The following SPTBN2 variants were observed in gnomAD, a reference collection of about 807,000 sequenced individuals.
The protein encoded by SPTBN2 is spectrin beta chain, non-erythrocytic 2.
Under a neutral mutation model 284.2 loss-of-function variants are expected in SPTBN2, and 107 were observed. The observed-to-expected ratio is 0.38, with a 90% CI of 0.32 to 0.44. SPTBN2 has a LOEUF of 0.44. Among genes scored for constraint, SPTBN2 ranks in the 20% least tolerant of loss-of-function variants. The pLI, the probability that SPTBN2 is intolerant of heterozygous loss-of-function variation, is 1.00. For synonymous variants in SPTBN2, 1,289 were observed against 1,354.8 expected (o/e 0.95, Z 1.07); for missense variants, 2,569 against 3,287.1 (o/e 0.78, Z 5.34).
At position 66,718,370 on chromosome 11, in the gene SPTBN2, C is replaced by T. The variant is rs1489978666; in HGVS notation, c.158-2389G>A. On this transcript the variant is annotated intron_variant, in intron 3 of 37. Coordinates refer to ENST00000533211, the MANE Select transcript of SPTBN2 (RefSeq NM_006946.4). This position sits in a 1 kb window ranked among gnomAD's most constrained non-coding sequence, Gnocchi z 4.8. Reference sequence around the variant, plus strand: ...GTGTCCTGTGCCAGGTCCTCAGCTCCGGCCACTCTCCCCACACCCAGGTCC... The same window carrying T: ...GTGTCCTGTGCCAGGTCCTCAGCTCTGGCCACTCTCCCCACACCCAGGTCC... Among the ~76,000 whole-genome samples the T allele has an allele frequency of 6.6e-6, 1 of 152,212 alleles. No homozygotes were observed. The highest frequency in any genetic ancestry group is 1.5e-5 in the Non-Finnish European group (1 of 68,034).
In SPTBN2 at chr11:66,682,546, T is replaced by C. The variant is rs1449622869; in HGVS notation, c.*3325A>G. Reference sequence around the variant, plus strand: ...CTTTTGAAACCCAATATATCTAAAATATTATTTCAACACATAATCAATATA... The same window carrying C: ...CTTTTGAAACCCAATATATCTAAAACATTATTTCAACACATAATCAATATA... On this transcript the variant is annotated 3_prime_UTR_variant, in exon 38 of 38. Transcript: ENST00000533211. Among the ~76,000 whole-genome samples, 1 of 152,242 alleles carries C rather than the reference T, an allele frequency of 6.6e-6. No individual in the cohort carries two copies. The highest frequency in any genetic ancestry group is 1.5e-5 in the Non-Finnish European group (1 of 68,040).
Position 66,701,579 on chromosome 11 carries a change from C to T in SPTBN2, c.2816+5G>A, listed in dbSNP as rs369265033. 1.1e-4 allele frequency: 170 copies of T among 1,614,044 alleles called. No individual in the cohort carries two copies. The highest frequency in any genetic ancestry group is 1.4e-4 in the Non-Finnish European group (165 of 1,180,028). ...AGTTTCCTGGTCCTGCCCTCCCAAA[C>T]CCACCTGTGGTTGAGCTGCTCCTGG... On this transcript the variant is annotated splice_donor_5th_base_variant and intron_variant, in intron 16 of 37. Transcript: ENST00000533211.
At position 66,693,196 on chromosome 11, in the gene SPTBN2, T is replaced by C. The variant is rs1414395222; in HGVS notation, c.4844A>G (p.Glu1615Gly). 1 of 1,614,226 alleles carries C rather than the reference T, an allele frequency of 6.2e-7. No individual in the cohort carries two copies. The highest frequency in any genetic ancestry group is 8.5e-7 in the Non-Finnish European group (1 of 1,180,036). ...GEQELHMMGQ[E>G]KAKDELSAQA... The stretch of plus-strand genomic sequence containing the variant: ...TGTCCTGGCCCTCACCTTGGCCTTC[T>C]CCTGGCCCATCATGTGTAATTCCTG... Residue 1615 changes from glutamate (E) to glycine (G), a missense_variant, in exon 24 of 38, where the codon GAG becomes GGG. Glu to Gly is a moderately conservative substitution (Grantham distance 98). This residue lies in a region of SPTBN2 where 1,130 missense variants were observed against 1,317.3 expected (regional missense o/e 0.86). Transcript: ENST00000533211. This position sits in a 1 kb window ranked among gnomAD's most constrained non-coding sequence, Gnocchi z 5.7.
intron 1 of SPTBN2, among the ~76,000 whole-genome samples, chr11:66,736,856 G>A (rs1265460570): frequency 2.6e-5 from 4 of 152,300 alleles, no homozygotes; most frequent in South Asian, 2.1e-4. Flanking sequence ...GTGCTGTGGC[G>A]CACAGCTAGT....
chr11:66,706,484 C>T (rs1941565674), intron 13 of SPTBN2, among the ~76,000 whole-genome samples: 1 of 152,216 alleles, frequency 6.6e-6, no homozygotes, highest in African/African-American at 2.4e-5. Context: ...GCGTGTGCCA[C>T]CACACTCAGC....
Position 66,707,385 on chromosome 11 carries a change from C to T in SPTBN2, c.1653+131G>A, listed in dbSNP as rs1266486801. On this transcript the variant is annotated intron_variant, in intron 13 of 37. Transcript: ENST00000533211. This position sits in a 1 kb window ranked among gnomAD's most constrained non-coding sequence, Gnocchi z 4.9. ...AGGGCCCTGTTTACTTTGTTCCCTG[C>T]AACTGGGGACAGGGCCCTGTGCTGG... is the stretch of plus-strand genomic sequence containing the variant. 1 of 967,366 alleles carries T rather than the reference C, an allele frequency of 1.0e-6. No individual in the cohort carries two copies. Among genetic ancestry groups the T allele is most frequent in the Admixed American group, 2.4e-5 (1 of 40,976 alleles). The allele number at this position is 967,366 out of a possible 1,614,324, so 59.9% of individuals were successfully genotyped here.
chr11:66,691,315 T>C lies in SPTBN2; in HGVS notation c.5534A>G (p.Tyr1845Cys), dbSNP rs765730537. The C allele has an allele frequency of 6.5e-7, 1 of 1,545,538 alleles. No homozygotes were observed. Among genetic ancestry groups the C allele is most frequent in the Non-Finnish European group, 8.8e-7 (1 of 1,142,034 alleles). Residue 1845 changes from tyrosine to cysteine, a missense_variant, in exon 27 of 38, where the codon TAC becomes TGC. Tyr to Cys is a radical substitution (Grantham distance 194). Transcript: ENST00000533211. This position sits in a 1 kb window ranked among gnomAD's most constrained non-coding sequence, Gnocchi z 8.0. ...GCTGAGGGCCTGAATGTCATGCTCGTAGGCACAGTGTCGGCGCTGCAGGGC... is the reference window on the plus strand; with the variant it reads ...GCTGAGGGCCTGAATGTCATGCTCGCAGGCACAGTGTCGGCGCTGCAGGGC... ...AEALQRRHCA[Y>C]EHDIQALSPQ... is the part of the protein sequence containing the mutation.
intron 3 of SPTBN2, among the ~76,000 whole-genome samples, chr11:66,716,905 A>G (rs1455830312): frequency 6.6e-6 from 1 of 152,184 alleles, no homozygotes; most frequent in East Asian, 1.9e-4. Flanking sequence ...CCAAGCGGTC[A>G]TTAGGACTTG....
chr11:66,686,489 C>G lies in SPTBN2; in HGVS notation c.6897-49G>C, dbSNP rs372544177. 6.2e-4 allele frequency: 995 copies of G among 1,606,974 alleles called. 11 individuals are homozygous for G. In the South Asian group the frequency reaches 8.9e-3, roughly 14 times the overall value. On this transcript the variant is annotated intron_variant, in intron 36 of 37. Transcript: ENST00000533211. ...GGCAGAGCTGAGAATCCGGATCTGC[C>G]AGGTAGCTGCTGGTGAGAGCGTAAT...
intron 19 of SPTBN2, 40 bp from the exon 20 acceptor site, chr11:66,698,825 G>A (rs755761702): frequency 5.0e-6 from 8 of 1,611,324 alleles, no homozygotes; most frequent in Non-Finnish European, 5.9e-6. Context: ...CAAGGGAGGG[G>A]AGAGGGGGGC....
chr11:66,729,493 G>C (rs1209909565), upstream of SPTBN2, among the ~76,000 whole-genome samples: 1 of 152,114 alleles, frequency 6.6e-6, no homozygotes, highest in Non-Finnish European at 1.5e-5. Context: ...TGAATTATTG[G>C]ATTTAAGGTT....
rs1940546009 is a variant in SPTBN2, at chr11:66,691,486, T to G, written c.5363A>C (p.Glu1788Ala). The G allele has an allele frequency of 6.2e-7, 1 of 1,611,888 alleles. No homozygotes were observed. The highest frequency in any genetic ancestry group is 8.5e-7 in the Non-Finnish European group (1 of 1,179,994). The change falls in exon 27 of 38, where the codon GAG becomes GCG. Residue 1788 changes from glutamate (E) to alanine (A), a missense_variant. Glu to Ala is a moderately radical substitution (Grantham distance 107). Transcript: ENST00000533211. This position sits in a 1 kb window ranked among gnomAD's most constrained non-coding sequence, Gnocchi z 8.0. The stretch of plus-strand genomic sequence containing the variant: ...CACCTGACCCCGTGTGTCCAGCAGC[T>G]CAAGCAGGTCAGCCCAGGCCTCGTT... ...SLNEAWADLL[E>A]LLDTRGQVLA...
Position 66,700,429 on chromosome 11 carries a change from T to A in SPTBN2, c.3573+97A>T. The A allele has an allele frequency of 1.3e-6, 2 of 1,555,430 alleles. No homozygotes were observed. Among genetic ancestry groups the A allele is most frequent in the Non-Finnish European group, 8.7e-7 (1 of 1,144,730 alleles). On this transcript the variant is annotated intron_variant, in intron 17 of 37. Coordinates refer to ENST00000533211, the MANE Select transcript of SPTBN2 (RefSeq NM_006946.4). The surrounding 1 kb of genome is among the most constrained non-coding windows in gnomAD (Gnocchi z 6.6). ...TGTGAACCACTGCGCTGCCCCATTT[T>A]GCTAGCATGTCCTTCCTGCCCATCC... is the stretch of plus-strand genomic sequence containing the variant.
At chr11:66,734,348 C>T (rs1181940713) in intron 1 of SPTBN2, among the ~76,000 whole-genome samples, 1 of 152,110 alleles carries the variant, frequency 6.6e-6, no homozygotes. Flanking sequence ...TTCAGTGGCT[C>T]CCCACTGCCC....
At chr11:66,689,405 C>G in intron 29 of SPTBN2, 2 of 563,876 alleles carry the variant, frequency 3.5e-6, no homozygotes, top group Non-Finnish European at 6.3e-6. Flanking sequence ...CTCCGAGTAG[C>G]TGGGATTACA....
chr11:66,686,188 G>A, intron 37 of SPTBN2, 84 bp from the exon 38 acceptor site: 1 of 1,457,010 alleles, frequency 6.9e-7, no homozygotes, highest in Non-Finnish European at 9.6e-7. Flanking sequence ...GTAAGAGGAG[G>A]AGGCAGAAAG....
intron 8 of SPTBN2, among the ~76,000 whole-genome samples, chr11:66,711,231 G>A (rs1941845703): frequency 6.6e-6 from 1 of 152,126 alleles, no homozygotes; most frequent in Non-Finnish European, 1.5e-5. Context: ...GAAACAAGAA[G>A]GGCCCTCCAA....
chr11:66,709,564 T>A (rs540364488), intron 10 of SPTBN2, among the ~76,000 whole-genome samples: 343 of 152,394 alleles, frequency 2.3e-3, no homozygotes, highest in Non-Finnish European at 3.6e-3. Flanking sequence ...TAATATTATT[T>A]TCAGTGGCTG....
In SPTBN2 at chr11:66,685,721, C is replaced by T. The variant is rs140073460; in HGVS notation, c.*150G>A. Reference sequence around the variant, plus strand: ...AGGGCTGCCCTTGGGAACATGGACTCGTCCCCAGTGACAGTTCCTGGTGAT... The same window carrying T: ...AGGGCTGCCCTTGGGAACATGGACTTGTCCCCAGTGACAGTTCCTGGTGAT... On this transcript the variant is annotated 3_prime_UTR_variant, in exon 38 of 38. Coordinates refer to ENST00000533211, the MANE Select transcript of SPTBN2 (RefSeq NM_006946.4). This position sits in a 1 kb window ranked among gnomAD's most constrained non-coding sequence, Gnocchi z 4.4. 1.2e-4 allele frequency: 85 copies of T among 729,754 alleles called. No individual in the cohort carries two copies. The African/African-American group carries it at 1.3e-3, about 11-fold the overall frequency. The allele number at this position is 729,754 out of a possible 1,614,324, so 45.2% of individuals were successfully genotyped here.
Sources: gnomAD v4.1 joint callset for allele counts (sites outside exome capture counted in the v4.1 genomes callset) on GRCh38, gnomAD v4.1.1 for gene constraint, gnomAD v4.1.1 regional missense constraint, Gnocchi (gnomAD v3.1) non-coding constraint, MANE v1.5 for transcripts, NCBI Gene and HGNC (gene_info 2026-07-23, HGNC 2026-07-21) for gene names.